Variants in BICRAL observed in about 807,000 individuals in gnomAD.
The protein encoded by BICRAL is BRD4-interacting chromatin-remodeling complex-associated protein-like.
Under a neutral mutation model 91.8 loss-of-function variants are expected in BICRAL, and 8 were observed. The ratio of observed to expected loss-of-function variants is 0.09; its 90% CI spans 0.05 to 0.16. BICRAL has a LOEUF of 0.16. Ranked by LOEUF, BICRAL falls within the 10% of genes least tolerant of loss-of-function variation. The pLI, the probability that BICRAL is intolerant of heterozygous loss-of-function variation, is 1.00. For synonymous variants in BICRAL, 445 were observed against 491.1 expected (o/e 0.91, Z 1.24); for missense variants, 1,038 against 1,310.9 (o/e 0.79, Z 3.21).
Position 42,841,628 on chromosome 6 carries a change from G to C in BICRAL, c.1840-10464G>C, listed in dbSNP as rs534899948. On this transcript the variant is annotated intron_variant, in intron 6 of 12. Coordinates refer to ENST00000314073, the MANE Select transcript of BICRAL (RefSeq NM_001393499.1). ...TGGACTTAAAAATCTAGATGTTCTT[G>C]TTTTCTTCTTCTCCTTCTATGCCTT... is the stretch of plus-strand genomic sequence containing the variant. Among the ~76,000 whole-genome samples, 6 of 152,182 alleles carry C rather than the reference G, an allele frequency of 3.9e-5. No individual in the cohort carries two copies. In the South Asian group the frequency reaches 1.2e-3, roughly 32 times the overall value.
chr6:42,836,983 C>T (rs537939768), intron 6 of BICRAL, among the ~76,000 whole-genome samples: 2 of 144,534 alleles, frequency 1.4e-5, no homozygotes, highest in East Asian at 4.2e-4. Flanking sequence ...CTCACTCTAC[C>T]GCCCAGGCTG....
intron 6 of BICRAL, among the ~76,000 whole-genome samples, chr6:42,837,106 G>A (rs1290086347): frequency 2.6e-5 from 4 of 151,416 alleles, no homozygotes. Flanking sequence ...CACCATGCCT[G>A]GCTAATTTTT....
At chr6:42,830,433 G>C (rs1446785160) in intron 6 of BICRAL, among the ~76,000 whole-genome samples, 2 of 152,030 alleles carry the variant, frequency 1.3e-5, no homozygotes, top group Non-Finnish European at 1.5e-5. Context: ...GAGTGTGGTG[G>C]TGCACACCTG....
chr6:42,817,847 A>G (rs1018710612), intron 2 of BICRAL, among the ~76,000 whole-genome samples: 2 of 151,858 alleles, frequency 1.3e-5, no homozygotes, highest in African/African-American at 4.8e-5. Flanking sequence ...GTGAAAGAAT[A>G]CCCACGTGAC....
rs1765691825 is a variant in BICRAL, at chr6:42,865,610, T to C, written c.*164T>C. Reference sequence around the variant, plus strand: ...TCTTTCTAATCTCAATCCTGTTCTTTGTTTAAGAGCAATACTTGTCGTGAT... The same window carrying C: ...TCTTTCTAATCTCAATCCTGTTCTTCGTTTAAGAGCAATACTTGTCGTGAT... On this transcript the variant is annotated 3_prime_UTR_variant, in exon 13 of 13. Coordinates refer to ENST00000314073, the MANE Select transcript of BICRAL (RefSeq NM_001393499.1). 4 of 596,366 alleles carry C rather than the reference T, an allele frequency of 6.7e-6. No individual in the cohort carries two copies. Among genetic ancestry groups the C allele is most frequent in the African/African-American group, 1.9e-5 (1 of 53,724 alleles). The allele number at this position is 596,366 out of a possible 1,614,324, so 36.9% of individuals were successfully genotyped here.
At chr6:42,751,654 CTTTT>C (rs1190737893) in intron 1 of BICRAL, among the ~76,000 whole-genome samples, 1 of 116,568 alleles carries the variant, frequency 8.6e-6, no homozygotes. Context: ...TCTTTCTTTT[CTTTT>C]TTTTTTTTTT....
upstream of BICRAL, among the ~76,000 whole-genome samples, chr6:42,781,511 A>G (rs1762903652): frequency 6.9e-6 from 1 of 144,278 alleles, no homozygotes; most frequent in Non-Finnish European, 1.5e-5. Flanking sequence ...CTCTAATTAG[A>G]GTTCTAAACA....
intron 1 of BICRAL, among the ~76,000 whole-genome samples, chr6:42,756,247 T>G (rs1426086596): frequency 1.3e-5 from 2 of 152,202 alleles, no homozygotes; most frequent in Non-Finnish European, 2.9e-5. Flanking sequence ...CATTCCTTCC[T>G]AATTTTCAAA....
chr6:42,781,132 T>C (rs1371649127), upstream of BICRAL, among the ~76,000 whole-genome samples: 7 of 152,154 alleles, frequency 4.6e-5, no homozygotes, highest in Non-Finnish European at 1.0e-4. Context: ...GTAGTTATAC[T>C]TGGACCAAAG....
chr6:42,754,344 T>G (rs1159981631), intron 1 of BICRAL, among the ~76,000 whole-genome samples: 1 of 151,838 alleles, frequency 6.6e-6, no homozygotes, highest in Non-Finnish European at 1.5e-5. Context: ...GCTAATTTTT[T>G]TGTATTTTTA....
intron 1 of BICRAL, among the ~76,000 whole-genome samples, chr6:42,788,329 A>G (rs367575731): frequency 1.4e-4 from 21 of 151,186 alleles, no homozygotes; most frequent in African/African-American, 5.1e-4. Context: ...GGTTCAAGCA[A>G]TTCTCCTGCC....
chr6:42,772,556 C>T (rs981758810), intron 1 of BICRAL, among the ~76,000 whole-genome samples: 3 of 152,132 alleles, frequency 2.0e-5, no homozygotes, highest in African/African-American at 4.8e-5. Flanking sequence ...AGCCAATTAC[C>T]GAGCCACTTG....
At chr6:42,806,569 A>G (rs1582832895) in intron 1 of BICRAL, among the ~76,000 whole-genome samples, 1 of 150,928 alleles carries the variant, frequency 6.6e-6, no homozygotes, top group South Asian at 2.1e-4. Context: ...CTGGAGTGCA[A>G]TGGCGCCATC....
chr6:42,759,459 G>C (rs971428905), intron 1 of BICRAL, among the ~76,000 whole-genome samples: 1 of 152,208 alleles, frequency 6.6e-6, no homozygotes, highest in African/African-American at 2.4e-5. Context: ...ATTGGGCTGC[G>C]ATGATGGGAG....
intron 1 of BICRAL, among the ~76,000 whole-genome samples, chr6:42,756,884 C>T (rs1582798788): frequency 6.8e-6 from 1 of 147,400 alleles, no homozygotes; most frequent in Non-Finnish European, 1.5e-5. Context: ...CTCGCGCGCG[C>T]GCTCTCTCTC....
chr6:42,820,394 T>C (rs1764104824), intron 2 of BICRAL, among the ~76,000 whole-genome samples: 1 of 152,212 alleles, frequency 6.6e-6, no homozygotes, highest in African/African-American at 2.4e-5. Flanking sequence ...TATGTCATAA[T>C]TGGCTAATTT....
chr6:42,777,053 T>G (rs985359395), upstream of BICRAL, among the ~76,000 whole-genome samples: 1 of 152,216 alleles, frequency 6.6e-6, no homozygotes, highest in African/African-American at 2.4e-5. Context: ...AGTTTGCAGA[T>G]GATGGTCTGG....
At chr6:42,766,762 C>T (rs995640957) in intron 1 of BICRAL, among the ~76,000 whole-genome samples, 16 of 151,872 alleles carry the variant, frequency 1.1e-4, no homozygotes, top group Non-Finnish European at 2.1e-4. Context: ...TTGATTGTGC[C>T]GGGTGCCGTG....
intron 2 of BICRAL, among the ~76,000 whole-genome samples, chr6:42,818,319 AC>A (rs1187599684): frequency 6.9e-6 from 1 of 145,702 alleles, no homozygotes; most frequent in Non-Finnish European, 1.5e-5. Flanking sequence ...TTGCTCATAA[AC>A]TGATTAAATC....
Sources: gnomAD v4.1 joint callset for allele counts (sites outside exome capture counted in the v4.1 genomes callset) on GRCh38, gnomAD v4.1.1 for gene constraint, MANE v1.5 for transcripts, NCBI Gene and HGNC (gene_info 2026-07-23, HGNC 2026-07-21) for gene names.